The following PKD1L1 variants were observed in gnomAD, a reference collection of about 807,000 sequenced individuals.
PKD1L1 encodes the protein polycystin 1 like 1, transient receptor potential channel interacting.
PKD1L1 carries 236 observed loss-of-function variants against 323.4 expected under a neutral mutation model. The observed-to-expected ratio is 0.73, with a 90% CI of 0.66 to 0.81. The LOEUF (loss-of-function observed/expected upper bound fraction) is 0.81, where lower values mean the gene tolerates loss of function less well. Ranked by LOEUF, PKD1L1 falls within the 40% of genes least tolerant of loss-of-function variation. The pLI is 0.00. For missense variants in PKD1L1, 3,320 were observed against 3,508.0 expected (o/e 0.95, Z 1.35); for synonymous variants, 1,344 against 1,335.0 (o/e 1.01, Z -0.15).
intron 7 of PKD1L1, among the ~76,000 whole-genome samples, chr7:47,918,453 C>G (rs1013436311): frequency 2.8e-5 from 4 of 144,980 alleles, no homozygotes; most frequent in Non-Finnish European, 4.5e-5. Flanking sequence ...GACAGGTCAT[C>G]AAGACAGAAA....
chr7:47,856,522 T>C (rs964528802), intron 28 of PKD1L1, among the ~76,000 whole-genome samples: 2 of 152,192 alleles, frequency 1.3e-5, no homozygotes, highest in African/African-American at 4.8e-5. Context: ...ACAAATCTTT[T>C]CTCATTTTCC....
chr7:47,801,700 T>C (rs1302574040), intron 53 of PKD1L1, among the ~76,000 whole-genome samples: 1 of 152,222 alleles, frequency 6.6e-6, no homozygotes, highest in East Asian at 1.9e-4. Context: ...TATTACTTAC[T>C]CCATAAGTGA....
chr7:47,872,152 T>C (rs1189824398), intron 24 of PKD1L1, among the ~76,000 whole-genome samples: 1 of 152,188 alleles, frequency 6.6e-6, no homozygotes, highest in Non-Finnish European at 1.5e-5. Flanking sequence ...TTAGCTTTTG[T>C]TTTGTTTTGT....
At chr7:47,806,462 G>A (rs1414130464) in intron 52 of PKD1L1, among the ~76,000 whole-genome samples, 1 of 152,316 alleles carries the variant, frequency 6.6e-6, no homozygotes, top group East Asian at 1.9e-4. Flanking sequence ...TAGGAAGCGG[G>A]TTGACTAGCA....
chr7:47,818,604 T>G (rs1785073738), intron 46 of PKD1L1, among the ~76,000 whole-genome samples: 1 of 152,108 alleles, frequency 6.6e-6, no homozygotes, highest in African/African-American at 2.4e-5. Context: ...CACACCTCAC[T>G]CCTGGCACAC....
chr7:47,931,756 T>C (rs1206009770), intron 5 of PKD1L1, among the ~76,000 whole-genome samples, 180 bp downstream of exon 5: 4 of 152,206 alleles, frequency 2.6e-5, no homozygotes, highest in African/African-American at 7.2e-5. Flanking sequence ...CTTACTGTGG[T>C]GACAAATTTT....
Position 47,873,879 on chromosome 7 carries a change from T to A in PKD1L1, c.3896+20A>T. The A allele has an allele frequency of 6.4e-7, 1 of 1,564,138 alleles. No individual in the cohort carries two copies. The highest frequency in any genetic ancestry group is 1.1e-5 in the South Asian group (1 of 88,276). ...ATACAAATAATGGCTAGGATGTCTG[T>A]GTGGCATTGTGTTACTCACAGGTCC... is the stretch of plus-strand genomic sequence containing the variant. On this transcript the variant is annotated intron_variant, in intron 24 of 56. Coordinates refer to ENST00000289672, the MANE Select transcript of PKD1L1 (RefSeq NM_138295.5).
At chr7:47,885,622 T>C in intron 18 of PKD1L1, 64 bp downstream of exon 18, 1 of 1,542,898 alleles carries the variant, frequency 6.5e-7, no homozygotes, top group Non-Finnish European at 8.7e-7. Flanking sequence ...CCAGATTCAC[T>C]GCTTCCAAAG....
At chr7:47,954,697 G>A in the PKD1L1 span, among the ~76,000 whole-genome samples, 16 of 152,146 alleles carry the variant, frequency 1.1e-4, no homozygotes, top group East Asian at 3.9e-4. Flanking sequence ...CACATTTTAC[G>A]CTTCCCAATT....
intron 39 of PKD1L1, among the ~76,000 whole-genome samples, chr7:47,834,656 AT>A (rs1785419015): frequency 6.6e-6 from 1 of 152,218 alleles, no homozygotes; most frequent in Non-Finnish European, 1.5e-5. Flanking sequence ...AATTAATAAA[AT>A]AAATGGCACT....
rs545177949 is a variant in PKD1L1, at chr7:47,846,623, G to A, written c.5153+256C>T. ...ACTAAACACCTCCTCCATGACAGTC[G>A]GTACGGGAAGGAGGAATACGAGGAC... On this transcript the variant is annotated intron_variant, in intron 32 of 56. Transcript: ENST00000289672. Among the ~76,000 whole-genome samples, 50 of 152,294 alleles carry A rather than the reference G, an allele frequency of 3.3e-4. No homozygotes were observed. In the South Asian group the frequency reaches 4.4e-3, roughly 13 times the overall value.
At chr7:47,889,837 C>G (rs1046185148) in intron 16 of PKD1L1, among the ~76,000 whole-genome samples, 6 of 152,142 alleles carry the variant, frequency 3.9e-5, no homozygotes, top group Non-Finnish European at 8.8e-5. Context: ...CTTGCAGCCC[C>G]GATGGGAGAG....
intron 36 of PKD1L1, among the ~76,000 whole-genome samples, chr7:47,838,803 G>A (rs1488195854): frequency 2.0e-5 from 3 of 150,864 alleles, no homozygotes. Context: ...ACTTGAACCC[G>A]GGAGGCAGAG....
intron 18 of PKD1L1, 34 bp from the exon 19 acceptor site, chr7:47,884,691 T>C: frequency 6.4e-7 from 1 of 1,569,030 alleles, no homozygotes; most frequent in Non-Finnish European, 8.8e-7. Context: ...ATGTTTCCTT[T>C]AAAATCACAG....
At chr7:47,819,443 G>A in intron 46 of PKD1L1, 1 of 939,518 alleles carries the variant, frequency 1.1e-6, no homozygotes, top group South Asian at 1.7e-5. Flanking sequence ...AAAGCCAGAG[G>A]TTTTTCATGT....
At chr7:47,789,763 T>C (rs1188225402) in intron 56 of PKD1L1, among the ~76,000 whole-genome samples, 1 of 152,228 alleles carries the variant, frequency 6.6e-6, no homozygotes, top group African/African-American at 2.4e-5. Context: ...TACCTTATGG[T>C]TTAAATATAA....
At chr7:47,871,100 T>C (rs1049453876) in intron 24 of PKD1L1, among the ~76,000 whole-genome samples, 3 of 151,824 alleles carry the variant, frequency 2.0e-5, no homozygotes, top group African/African-American at 7.3e-5. Flanking sequence ...ATACCTCTTA[T>C]GAACATGGAC....
chr7:47,830,885 C>A (rs1785335253), intron 42 of PKD1L1, among the ~76,000 whole-genome samples: 1 of 152,170 alleles, frequency 6.6e-6, no homozygotes, highest in African/African-American at 2.4e-5. Flanking sequence ...TATATTCTAG[C>A]CAGAGTTCCT....
chr7:47,943,582 C>T, intron 1 of PKD1L1, 71 bp from the exon 2 acceptor site: 1 of 1,206,278 alleles, frequency 8.3e-7, no homozygotes, highest in Non-Finnish European at 1.2e-6. Context: ...ATCCTGTGAC[C>T]ACTCTTCCAT....
Sources: allele counts gnomAD v4.1 joint callset (sites outside exome capture counted in the v4.1 genomes callset), GRCh38; gene constraint gnomAD v4.1.1; transcripts MANE v1.5; gene names NCBI Gene and HGNC (gene_info 2026-07-23, HGNC 2026-07-21).